The following SKAP2 variants were observed in gnomAD, a reference collection of about 807,000 sequenced individuals.
The protein encoded by SKAP2 is src kinase associated phosphoprotein 2, also known as src kinase-associated phosphoprotein 2.
Under a neutral mutation model 54.9 loss-of-function variants are expected in SKAP2, and 28 were observed. That is an observed-to-expected ratio of 0.51 (90% CI 0.38 to 0.70). The LOEUF (loss-of-function observed/expected upper bound fraction) is 0.70. Ranked by LOEUF, SKAP2 falls within the 30% of genes least tolerant of loss-of-function variation. The pLI, the probability that SKAP2 is intolerant of heterozygous loss-of-function variation, is 0.00. For synonymous variants in SKAP2, 137 were observed against 134.3 expected, an observed-to-expected ratio of 1.02 and a Z score of -0.14; for missense variants, 356 against 424.1, an observed-to-expected ratio of 0.84 and a Z score of 1.41.
chr7:26,854,990 AC>A, intron 1 of SKAP2, 100 bp from the exon 2 acceptor site: 1 of 764,900 alleles, frequency 1.3e-6, no homozygotes, highest in Non-Finnish European at 2.0e-6. Flanking sequence ...AAGTGTTAAT[AC>A]CTGTACAATT....
rs565146123 is a variant in SKAP2, at chr7:26,783,197, A to G, written c.308-43233T>C. On this transcript the variant is annotated intron_variant, in intron 4 of 12. Transcript: ENST00000345317. ...TGTATCATTCCCCATGAATTTGCCT[A>G]AAGCAGGTATCCAGACGTTGTTGTT... Among the ~76,000 whole-genome samples, 119 of 152,276 alleles carry G rather than the reference A, an allele frequency of 7.8e-4. 2 individuals are homozygous for G. The highest frequency in any genetic ancestry group is 7.8e-4 in the Admixed American group (12 of 15,294).
intron 11 of SKAP2, among the ~76,000 whole-genome samples, chr7:26,674,141 C>A (rs1354663047): frequency 1.3e-5 from 2 of 151,890 alleles, no homozygotes; most frequent in African/African-American, 2.4e-5. Context: ...TTGAAAGCAA[C>A]AGGTGTTTGC....
intron 4 of SKAP2, among the ~76,000 whole-genome samples, chr7:26,817,397 A>T (rs503110): frequency 0.51 from 78,184 of 151,886 alleles, 20,853 homozygotes; most frequent in East Asian, 0.86. Context: ...ATTAAAACTC[A>T]GTGGATAGTA....
intron 7 of SKAP2, 140 bp from the exon 8 acceptor site, chr7:26,726,126 T>C (rs763821809): frequency 6.9e-6 from 4 of 580,782 alleles, no homozygotes; most frequent in Non-Finnish European, 1.2e-5. Flanking sequence ...CTTCTTATAA[T>C]GTACAGTTAA....
intron 9 of SKAP2, among the ~76,000 whole-genome samples, chr7:26,712,914 C>T (rs1369192617): frequency 6.6e-6 from 1 of 152,210 alleles, no homozygotes; most frequent in Non-Finnish European, 1.5e-5. Flanking sequence ...TTGTTCATCT[C>T]ATAAACAGCA....
At chr7:26,725,868 C>T in intron 8 of SKAP2, 55 bp downstream of exon 8, 1 of 1,408,200 alleles carries the variant, frequency 7.1e-7, no homozygotes, top group Non-Finnish European at 1.0e-6. Context: ...ACCCAAACTA[C>T]TCTGTTATTT....
intron 11 of SKAP2, among the ~76,000 whole-genome samples, chr7:26,684,098 T>G (rs1464402149): frequency 6.6e-6 from 1 of 152,096 alleles, no homozygotes; most frequent in Non-Finnish European, 1.5e-5. Context: ...GACAAAAAGA[T>G]TCTGAATAAT....
intron 4 of SKAP2, among the ~76,000 whole-genome samples, chr7:26,837,187 G>C (rs1358526604): frequency 6.6e-6 from 1 of 152,126 alleles, no homozygotes; most frequent in African/African-American, 2.4e-5. Context: ...GCCTGTCAGG[G>C]GGTTGGGGGC....
At chr7:26,858,976 A>T (rs999687608) in intron 1 of SKAP2, among the ~76,000 whole-genome samples, 1 of 151,982 alleles carries the variant, frequency 6.6e-6, no homozygotes, top group African/African-American at 2.4e-5. Flanking sequence ...CAACCACCCA[A>T]TACCTCCTGG....
intron 9 of SKAP2, among the ~76,000 whole-genome samples, chr7:26,712,383 G>A (rs1388451358): frequency 2.6e-5 from 4 of 152,198 alleles, no homozygotes; most frequent in Admixed American, 2.6e-4. Context: ...TCAGAGGAGA[G>A]AACATTTATG....
intron 9 of SKAP2, among the ~76,000 whole-genome samples, chr7:26,712,691 A>G (rs1276359164): frequency 2.6e-5 from 4 of 152,220 alleles, no homozygotes; most frequent in African/African-American, 9.6e-5. Context: ...TATGCTTATT[A>G]AATAATACTT....
chr7:26,754,082 A>G (rs986053230), intron 4 of SKAP2, among the ~76,000 whole-genome samples: 3 of 152,108 alleles, frequency 2.0e-5, no homozygotes, highest in Admixed American at 1.3e-4. Flanking sequence ...TAAAAAAGTA[A>G]GCCGGGCACG....
chr7:26,701,045 AT>A (rs2127945951), intron 9 of SKAP2, among the ~76,000 whole-genome samples: 1 of 152,304 alleles, frequency 6.6e-6, no homozygotes, highest in South Asian at 2.1e-4. Context: ...GGCCTCTATT[AT>A]TCCACTCATA....
At chr7:26,862,458 A>AT (rs1442562196) in intron 1 of SKAP2, among the ~76,000 whole-genome samples, 1 of 152,128 alleles carries the variant, frequency 6.6e-6, no homozygotes, top group East Asian at 1.9e-4. Flanking sequence ...TAATTGTAAT[A>AT]TTTTTTAATA....
chr7:26,692,654 A>C (rs1432984632), intron 9 of SKAP2, among the ~76,000 whole-genome samples: 3 of 152,222 alleles, frequency 2.0e-5, no homozygotes, highest in African/African-American at 7.2e-5. Context: ...AATATATAGA[A>C]GACCTAATAA....
intron 4 of SKAP2, among the ~76,000 whole-genome samples, chr7:26,791,910 T>C (rs558525367): frequency 6.6e-6 from 1 of 152,334 alleles, no homozygotes; most frequent in Non-Finnish European, 1.5e-5. Flanking sequence ...TACAGTAGTT[T>C]TATTCCTATT....
Position 26,756,845 on chromosome 7 carries a change from T to C in SKAP2, c.308-16881A>G, listed in dbSNP as rs534496257. On this transcript the variant is annotated intron_variant, in intron 4 of 12. Coordinates refer to ENST00000345317, the MANE Select transcript of SKAP2 (RefSeq NM_003930.5). ...TCCATATCCTCTCCAGCACCTGTAG[T>C]TTCCTGACTTTTTAATGATCACCAT... Among the ~76,000 whole-genome samples, 4 of 152,264 alleles carry C rather than the reference T, an allele frequency of 2.6e-5. No homozygotes were observed. In the East Asian group the frequency reaches 7.7e-4, roughly 29 times the overall value.
At chr7:26,699,759 A>T (rs984002544) in intron 9 of SKAP2, among the ~76,000 whole-genome samples, 1 of 152,162 alleles carries the variant, frequency 6.6e-6, no homozygotes, top group African/African-American at 2.4e-5. Context: ...AAGAATGGCT[A>T]CCCTGTACTT....
rs187328607 is a variant in SKAP2, at chr7:26,747,506, G to A, written c.308-7542C>T. 1.7e-4 allele frequency among the ~76,000 whole-genome samples: 26 copies of A among 152,106 alleles called. No individual in the cohort carries two copies. The East Asian group carries it at 3.1e-3, about 18-fold the overall frequency. On this transcript the variant is annotated intron_variant, in intron 4 of 12. Transcript: ENST00000345317. ...ATTTTGAAGGCTACCAAGCAAAAAC[G>A]GAATAACCATGAGGATAATTCAAAT...
Sources: allele counts gnomAD v4.1 joint callset (sites outside exome capture counted in the v4.1 genomes callset), GRCh38; gene constraint gnomAD v4.1.1; transcripts MANE v1.5; gene names NCBI Gene and HGNC (gene_info 2026-07-23, HGNC 2026-07-21).